Variants in PEX3 observed in about 807,000 individuals in gnomAD.
The protein encoded by PEX3 is peroxisomal biogenesis factor 3.
Under a neutral mutation model 55.8 loss-of-function variants are expected in PEX3, and 30 were observed. The ratio of observed to expected loss-of-function variants is 0.54; its 90% CI spans 0.40 to 0.73. The LOEUF (loss-of-function observed/expected upper bound fraction) is 0.73, where lower values mean the gene tolerates loss of function less well. PEX3 is among the 30% of genes least tolerant of loss of function. PEX3 has a pLI of 0.00. For missense variants in PEX3, 351 were observed against 432.8 expected (o/e 0.81, Z 1.68); for synonymous variants, 135 against 148.4 (o/e 0.91, Z 0.66).
At position 143,489,222 on chromosome 6, in the gene PEX3, AATG is replaced by A. The variant is rs1455823470; in HGVS notation, c.1121_*1del. ...TTTAGTACCCCTCAGCAACTGGAGA[AATG>A]ATTTTTCCTTCAAGAAAAACTACAG... On this transcript the variant is annotated stop_lost and inframe_deletion, in exon 12 of 12. Coordinates refer to ENST00000367591, the MANE Select transcript of PEX3 (RefSeq NM_003630.3). The surrounding 1 kb of genome is among the most constrained non-coding windows in gnomAD (Gnocchi z 5.5). 8.2e-6 allele frequency: 13 copies of A among 1,583,618 alleles called. No individual in the cohort carries two copies. The highest frequency in any genetic ancestry group is 1.1e-5 in the Non-Finnish European group (13 of 1,152,564).
intron 1 of PEX3, among the ~76,000 whole-genome samples, chr6:143,456,167 G>A (rs1779842706): frequency 6.6e-6 from 1 of 152,144 alleles, no homozygotes; most frequent in Non-Finnish European, 1.5e-5. Flanking sequence ...TCATATTGAG[G>A]ATGAAGAAAT....
Position 143,482,925 on chromosome 6 carries a change from G to A in PEX3, c.942-2227G>A, listed in dbSNP as rs1373374598. ...AAGAACTTTATATAAAAGAAGTCTA[G>A]GTTTGACTGTATAATTTTTAAAACT... On this transcript the variant is annotated intron_variant, in intron 10 of 11. Coordinates refer to ENST00000367591, the MANE Select transcript of PEX3 (RefSeq NM_003630.3). The surrounding 1 kb of genome is among the most constrained non-coding windows in gnomAD (Gnocchi z 5.5). Among the ~76,000 whole-genome samples, 2 of 152,014 alleles carry A rather than the reference G, an allele frequency of 1.3e-5. No homozygotes were observed. The highest frequency in any genetic ancestry group is 2.4e-5 in the African/African-American group (1 of 41,410).
Position 143,488,613 on chromosome 6 carries a change from A to G in PEX3, c.1039-530A>G, listed in dbSNP as rs1161446263. Among the ~76,000 whole-genome samples, 1 of 151,936 alleles carries G rather than the reference A, an allele frequency of 6.6e-6. No individual in the cohort carries two copies. The highest frequency in any genetic ancestry group is 6.6e-5 in the Admixed American group (1 of 15,192). ...AGATACCAGATTTTGGTTAGAAGTTAAAGAAAATGAAGGTGTAATTTTTTT... is the reference window on the plus strand; with the variant it reads ...AGATACCAGATTTTGGTTAGAAGTTGAAGAAAATGAAGGTGTAATTTTTTT... On this transcript the variant is annotated intron_variant, in intron 11 of 11. Transcript: ENST00000367591. This position sits in a 1 kb window ranked among gnomAD's most constrained non-coding sequence, Gnocchi z 4.9.
At position 143,453,820 on chromosome 6, in the gene PEX3, G is replaced by A. The variant is rs1978529; in HGVS notation, c.73+2705G>A. On this transcript the variant is annotated intron_variant, in intron 1 of 11. Coordinates refer to ENST00000367591, the MANE Select transcript of PEX3 (RefSeq NM_003630.3). This position sits in a 1 kb window ranked among gnomAD's most constrained non-coding sequence, Gnocchi z 4.6. Reference sequence around the variant, plus strand: ...CTTGAACTCCTGGCCTCAAGCAATCGTCCTGCCTCAGCCTCCTAAAGTGCT... The same window carrying A: ...CTTGAACTCCTGGCCTCAAGCAATCATCCTGCCTCAGCCTCCTAAAGTGCT... Among the ~76,000 whole-genome samples, 32,601 of 151,800 alleles carry A rather than the reference G, an allele frequency of 0.21. 3,622 individuals are homozygous for A. The highest frequency in any genetic ancestry group is 0.22 in the Non-Finnish European group (14,995 of 67,934).
At position 143,454,929 on chromosome 6, in the gene PEX3, G is replaced by A. The variant is rs531900235; in HGVS notation, c.73+3814G>A. Reference sequence around the variant, plus strand: ...TACAGATTGTGAAGGGCCTTATGAAGCCATTCTACATAATTTGGACATTAT... The same window carrying A: ...TACAGATTGTGAAGGGCCTTATGAAACCATTCTACATAATTTGGACATTAT... On this transcript the variant is annotated intron_variant, in intron 1 of 11. Coordinates refer to ENST00000367591, the MANE Select transcript of PEX3 (RefSeq NM_003630.3). The surrounding 1 kb of genome is among the most constrained non-coding windows in gnomAD (Gnocchi z 4.3). 1.8e-4 allele frequency among the ~76,000 whole-genome samples: 27 copies of A among 152,286 alleles called. No homozygotes were observed. Among genetic ancestry groups the A allele is most frequent in the Non-Finnish European group, 3.8e-4 (26 of 68,034 alleles).
chr6:143,461,995 C>T (rs1779926825), intron 2 of PEX3, among the ~76,000 whole-genome samples: 1 of 152,126 alleles, frequency 6.6e-6, no homozygotes, highest in African/African-American at 2.4e-5. Context: ...ATTTTGTTAT[C>T]GTTACTTTTT....
At position 143,462,286 on chromosome 6, in the gene PEX3, TTTATG is replaced by T. The variant is rs1222587187; in HGVS notation, c.206-625_206-621del. Among the ~76,000 whole-genome samples the T allele has an allele frequency of 1.3e-5, 2 of 152,316 alleles. No individual in the cohort carries two copies. Among genetic ancestry groups the T allele is most frequent in the Admixed American group, 6.5e-5 (1 of 15,302 alleles). On this transcript the variant is annotated intron_variant, in intron 2 of 11. Coordinates refer to ENST00000367591, the MANE Select transcript of PEX3 (RefSeq NM_003630.3). The surrounding 1 kb of genome is among the most constrained non-coding windows in gnomAD (Gnocchi z 4.1). Reference sequence around the variant, plus strand: ...TAGTTTCTAACCCAGTGCACTTTTATTTATGTTATAATAAATGTTTATTGCTTTGT... The same window carrying T: ...TAGTTTCTAACCCAGTGCACTTTTATTTATAATAAATGTTTATTGCTTTGT...
intron 8 of PEX3, among the ~76,000 whole-genome samples, chr6:143,472,643 A>G (rs376811200): frequency 5.9e-5 from 9 of 152,254 alleles, no homozygotes; most frequent in Middle Eastern, 3.4e-3. Context: ...TACAAATTCA[A>G]TTGGTGGGCT....
intron 9 of PEX3, among the ~76,000 whole-genome samples, chr6:143,477,660 ATGAAT>A (rs1474032460): frequency 6.6e-6 from 1 of 152,170 alleles, no homozygotes; most frequent in African/African-American, 2.4e-5. Context: ...ATTGGCCTAA[ATGAAT>A]TCAATTCAAT....
At position 143,488,575 on chromosome 6, in the gene PEX3, T is replaced by C. The variant is rs1347079125; in HGVS notation, c.1039-568T>C. On this transcript the variant is annotated intron_variant, in intron 11 of 11. Transcript: ENST00000367591. This position sits in a 1 kb window ranked among gnomAD's most constrained non-coding sequence, Gnocchi z 4.9. ...TATTATCACAGTTTGTTGCCTACATTCATAATTGAAAGAGATACCAGATTT... is the reference window on the plus strand; with the variant it reads ...TATTATCACAGTTTGTTGCCTACATCCATAATTGAAAGAGATACCAGATTT... Among the ~76,000 whole-genome samples, 1 of 152,076 alleles carries C rather than the reference T, an allele frequency of 6.6e-6. No homozygotes were observed. Among genetic ancestry groups the C allele is most frequent in the Non-Finnish European group, 1.5e-5 (1 of 67,968 alleles).
Position 143,451,193 on chromosome 6 carries a change from C to T in PEX3, c.73+78C>T. ...TGACTTCTTCTAAAATAAGGACAGG[C>T]CGGGCGATCCTAGTCTGGGATATGT... On this transcript the variant is annotated intron_variant, in intron 1 of 11. Transcript: ENST00000367591. The surrounding 1 kb of genome is among the most constrained non-coding windows in gnomAD (Gnocchi z 4.1). 1 of 1,017,308 alleles carries T rather than the reference C, an allele frequency of 9.8e-7. No individual in the cohort carries two copies. Among genetic ancestry groups the T allele is most frequent in the South Asian group, 1.3e-5 (1 of 79,372 alleles). 63.0% of individuals were successfully genotyped at this position (1,017,308 alleles called of 1,614,324 possible). A position where few individuals can be genotyped will look rare whatever the true frequency, so the allele number is the denominator to read the frequency against.
rs1172525994 is a variant in PEX3, at chr6:143,464,539, A to G, written c.287+1542A>G. Among the ~76,000 whole-genome samples, 1 of 152,036 alleles carries G rather than the reference A, an allele frequency of 6.6e-6. No individual in the cohort carries two copies. Among genetic ancestry groups the G allele is most frequent in the African/African-American group, 2.4e-5 (1 of 41,436 alleles). On this transcript the variant is annotated intron_variant, in intron 3 of 11. Coordinates refer to ENST00000367591, the MANE Select transcript of PEX3 (RefSeq NM_003630.3). The surrounding 1 kb of genome is among the most constrained non-coding windows in gnomAD (Gnocchi z 5.8). ...GATAGATTATCCTGGACAGCTTTAA[A>G]GAAAAGATGTGATTCTTTTTTTCTT...
intron 2 of PEX3, among the ~76,000 whole-genome samples, chr6:143,461,707 G>A (rs544579040): frequency 1.5e-4 from 23 of 152,272 alleles, no homozygotes; most frequent in Admixed American, 3.3e-4. Flanking sequence ...AGCACTTTGG[G>A]AGGCAAAGGT....
rs755599537 is a variant in PEX3, at chr6:143,463,904, A to T, written c.287+907A>T. 2.0e-5 allele frequency among the ~76,000 whole-genome samples: 3 copies of T among 152,034 alleles called. No homozygotes were observed. The highest frequency in any genetic ancestry group is 4.4e-5 in the Non-Finnish European group (3 of 67,956). ...AGACAGGCTACATAACAAGTGGGGA[A>T]TTTTTTTAAAAACACTTACTATATT... On this transcript the variant is annotated intron_variant, in intron 3 of 11. Coordinates refer to ENST00000367591, the MANE Select transcript of PEX3 (RefSeq NM_003630.3). This position sits in a 1 kb window ranked among gnomAD's most constrained non-coding sequence, Gnocchi z 5.7.
chr6:143,469,016 G>A (rs1780034090), intron 4 of PEX3, among the ~76,000 whole-genome samples: 2 of 151,976 alleles, frequency 1.3e-5, no homozygotes, highest in Admixed American at 6.5e-5. Context: ...GTCCTTTTTT[G>A]GGGCTGCATA....
Position 143,477,990 on chromosome 6 carries a change from A to G in PEX3, c.819-1086A>G, listed in dbSNP as rs185037835. On this transcript the variant is annotated intron_variant, in intron 9 of 11. Transcript: ENST00000367591. Reference sequence around the variant, plus strand: ...ACTTGTTCAGATTTTTCACAACAGCATTATTCACAATAGCCAAAAAGTGGA... The same window carrying G: ...ACTTGTTCAGATTTTTCACAACAGCGTTATTCACAATAGCCAAAAAGTGGA... 9.6e-4 allele frequency among the ~76,000 whole-genome samples: 146 copies of G among 152,270 alleles called. 1 individual carries two copies. The highest frequency in any genetic ancestry group is 1.6e-3 in the Non-Finnish European group (107 of 67,990).
In PEX3 at chr6:143,459,032, T is replaced by G; in HGVS notation, c.74-53T>G. 1 of 1,214,640 alleles carries G rather than the reference T, an allele frequency of 8.2e-7. No homozygotes were observed. Among genetic ancestry groups the G allele is most frequent in the South Asian group, 1.2e-5 (1 of 80,624 alleles). The allele number at this position is 1,214,640 out of a possible 1,614,324, so 75.2% of individuals were successfully genotyped here. A position where few individuals can be genotyped will look rare whatever the true frequency, so the allele number is the denominator to read the frequency against. ...ATTGCATAAAGTAGGTTAAAAATAC[T>G]GTGTAGAATTTTTGGTACTCTAATG... On this transcript the variant is annotated intron_variant, in intron 1 of 11. Coordinates refer to ENST00000367591, the MANE Select transcript of PEX3 (RefSeq NM_003630.3). The surrounding 1 kb of genome is among the most constrained non-coding windows in gnomAD (Gnocchi z 4.2).
In PEX3 at chr6:143,485,894, A is replaced by G. The variant is rs1440534311; in HGVS notation, c.1038+646A>G. ...TGTGCAAACTTGGAAACTGTGTTAT[A>G]AGTTAAAAAATTGTTTGCAATGCCA... On this transcript the variant is annotated intron_variant, in intron 11 of 11. Coordinates refer to ENST00000367591, the MANE Select transcript of PEX3 (RefSeq NM_003630.3). The surrounding 1 kb of genome is among the most constrained non-coding windows in gnomAD (Gnocchi z 5.6). Among the ~76,000 whole-genome samples the G allele has an allele frequency of 6.6e-6, 1 of 152,138 alleles. No individual in the cohort carries two copies. The highest frequency in any genetic ancestry group is 1.5e-5 in the Non-Finnish European group (1 of 67,986).
rs1168237200 is a variant in PEX3, at chr6:143,475,965, G to A, written c.818+1109G>A. Among the ~76,000 whole-genome samples, 1 of 152,196 alleles carries A rather than the reference G, an allele frequency of 6.6e-6. No homozygotes were observed. Among genetic ancestry groups the A allele is most frequent in the Non-Finnish European group, 1.5e-5 (1 of 68,040 alleles). Reference sequence around the variant, plus strand: ...AAATGCTAGGTCTTCATCCCTACTGGAATGTGTATGTTAGTGGGAGAGAAA... The same window carrying A: ...AAATGCTAGGTCTTCATCCCTACTGAAATGTGTATGTTAGTGGGAGAGAAA... On this transcript the variant is annotated intron_variant, in intron 9 of 11. Transcript: ENST00000367591. This position sits in a 1 kb window ranked among gnomAD's most constrained non-coding sequence, Gnocchi z 4.4.
Sources: gnomAD v4.1 joint callset for allele counts (sites outside exome capture counted in the v4.1 genomes callset) on GRCh38, gnomAD v4.1.1 for gene constraint, Gnocchi (gnomAD v3.1) non-coding constraint, MANE v1.5 for transcripts, NCBI Gene and HGNC (gene_info 2026-07-23, HGNC 2026-07-21) for gene names.